Variants in TMPRSS7 observed in about 807,000 individuals in gnomAD.
TMPRSS7 encodes the protein transmembrane protease serine 7.
A neutral mutation model predicts 95.6 loss-of-function variants in TMPRSS7; 81 were observed. The ratio of observed to expected loss-of-function variants is 0.85; its 90% confidence interval spans 0.71 to 1.02. TMPRSS7 has a LOEUF of 1.02. Among genes scored for constraint, TMPRSS7 ranks in the 50% least tolerant of loss-of-function variants. The pLI, the probability that TMPRSS7 is intolerant of heterozygous loss-of-function variation, is 0.00. For synonymous variants in TMPRSS7, 364 were observed against 337.8 expected, an observed-to-expected ratio of 1.08 and a Z score of -0.85; for missense variants, 945 against 955.2, an observed-to-expected ratio of 0.99 and a Z score of 0.14.
At chr3:112,081,105 C>A in exon 18 of TMPRSS7, 2 of 1,583,602 alleles carry the variant, frequency 1.3e-6, no homozygotes, top group Non-Finnish European at 8.6e-7. Flanking sequence ...TGTATTTTTA[C>A]TGTGATTTAT....
At chr3:112,072,048 G>C (rs2073654797) in intron 13 of TMPRSS7, among the ~76,000 whole-genome samples, 2 of 152,186 alleles carry the variant, frequency 1.3e-5, no homozygotes, top group African/African-American at 4.8e-5. Context: ...AGAATTTTCA[G>C]CTTTTCTGCT....
In TMPRSS7 at chr3:112,052,042, C is replaced by A. The variant is rs145726056; in HGVS notation, c.1203+1259C>A. On this transcript the variant is annotated intron_variant, in intron 9 of 17. Transcript: ENST00000452346. ...AGCAGCCCTGCTCTCATGGAGCTTA[C>A]CTTCCAGTAGGGGAAGGCAAGTAAT... Among the ~76,000 whole-genome samples the A allele has an allele frequency of 5.3e-3, 804 of 152,146 alleles. 8 individuals carry two copies. The highest frequency in any genetic ancestry group is 0.019 in the African/African-American group (771 of 41,484).
intron 10 of TMPRSS7, among the ~76,000 whole-genome samples, chr3:112,057,855 A>T (rs1047686406): frequency 2.6e-5 from 4 of 151,956 alleles, no homozygotes; most frequent in African/African-American, 9.7e-5. Flanking sequence ...CCTCCCAAGT[A>T]TCTGGGACTA....
At chr3:112,072,047 A>T (rs1161156748) in intron 13 of TMPRSS7, among the ~76,000 whole-genome samples, 1 of 152,158 alleles carries the variant, frequency 6.6e-6, no homozygotes, top group East Asian at 1.9e-4. Flanking sequence ...TAGAATTTTC[A>T]GCTTTTCTGC....
rs954402105 is a variant in TMPRSS7 at position 112,062,731 on chromosome 3, A to G, written c.1448-794A>G. On this transcript the variant is annotated intron_variant, in intron 11 of 17. Transcript: ENST00000452346. ...TTATTTTTAATTGTTTTTTTAAACC[A>G]TAACTATTTTCCAGCTTCTCATCCA... 6.6e-5 allele frequency among the ~76,000 whole-genome samples: 10 copies of G among 152,196 alleles called. No individual in the cohort carries two copies. In the East Asian group the frequency reaches 1.9e-3, roughly 29 times the overall value.
downstream of TMPRSS7, chr3:112,081,168 C>T (rs2073774397): frequency 1.4e-6 from 2 of 1,380,996 alleles, no homozygotes; most frequent in African/African-American, 1.5e-5. Flanking sequence ...TGCGCTGGCT[C>T]ACACCTGTAA....
At chr3:112,042,483 T>C (rs768661862) in intron 3 of TMPRSS7, among the ~76,000 whole-genome samples, 2 of 152,210 alleles carry the variant, frequency 1.3e-5, no homozygotes, top group Non-Finnish European at 2.9e-5. Context: ...TTATAAAAAT[T>C]AGCAAAATTC....
intron 6 of TMPRSS7, chr3:112,047,395 A>G (rs1371904594): frequency 3.6e-6 from 2 of 563,176 alleles, no homozygotes; most frequent in Admixed American, 2.2e-5. Context: ...GTATTTCCTG[A>G]TTGCTCTTGC....
In TMPRSS7 at chr3:112,075,432, G is replaced by T. The variant is rs375061144; in HGVS notation, c.1895G>T (p.Gly632Val). ...CACTTTGTTGGATCTGCCTACTGTG[G>T]TGCCTCAGTCATCTCCAGGGAGTGG... is the stretch of plus-strand genomic sequence containing the variant. The change falls in exon 15 of 18, where the codon GGT becomes GTT. Residue 632 changes from glycine to valine, a missense_variant. By Grantham distance (109) the Gly-to-Val change is moderately radical. Coordinates refer to ENST00000452346, the Ensembl canonical transcript of TMPRSS7. 5 of 1,551,124 alleles carry T rather than the reference G, an allele frequency of 3.2e-6. No homozygotes were observed. Among genetic ancestry groups the T allele is most frequent in the Non-Finnish European group, 4.4e-6 (5 of 1,148,196 alleles).
At chr3:112,052,979 G>C (rs770728733) in intron 9 of TMPRSS7, among the ~76,000 whole-genome samples, 12 of 152,190 alleles carry the variant, frequency 7.9e-5, no homozygotes, top group Admixed American at 3.9e-4. Flanking sequence ...CAAGTGAGGA[G>C]TGGGAGAAAG....
chr3:112,052,501 C>T (rs1282457678), intron 9 of TMPRSS7, among the ~76,000 whole-genome samples: 1 of 151,944 alleles, frequency 6.6e-6, no homozygotes, highest in Non-Finnish European at 1.5e-5. Context: ...ACAAATATTT[C>T]CAAAGTAATT....
intron 17 of TMPRSS7, among the ~76,000 whole-genome samples, chr3:112,080,337 T>C (rs1309251724): frequency 2.0e-5 from 3 of 152,182 alleles, no homozygotes; most frequent in African/African-American, 7.2e-5. Flanking sequence ...GTTAGGGTTT[T>C]TTCACTGGAC....
Position 112,056,963 on chromosome 3 carries a change from G to A in TMPRSS7, c.1204-62G>A, listed in dbSNP as rs921803448. 5.0e-6 allele frequency: 6 copies of A among 1,196,192 alleles called. No homozygotes were observed. In the African/African-American group the frequency reaches 7.6e-5, roughly 15 times the overall value. 74.1% of individuals were successfully genotyped at this position (1,196,192 alleles called of 1,614,324 possible). The stretch of plus-strand genomic sequence containing the variant: ...ATGGCCTTAAAACAACAAGCCAAGG[G>A]AATAAGTAAATACATACTTTGATTG... On this transcript the variant is annotated intron_variant, in intron 9 of 17. Coordinates refer to ENST00000452346, the Ensembl canonical transcript of TMPRSS7.
Position 112,051,619 on chromosome 3 carries a change from CTCTA to C in TMPRSS7, c.1203+839_1203+842del, listed in dbSNP as rs2073353896. Among the ~76,000 whole-genome samples the C allele has an allele frequency of 3.0e-5, 4 of 131,622 alleles. No homozygotes were observed. The East Asian group carries it at 8.5e-4, about 28-fold the overall frequency. The allele number at this position is 131,622 out of a possible 152,430, so 86.3% of individuals were successfully genotyped here. ...TTATCTATCTCTATTATCTATCTATCTCTATCATCTATCTATCTATCTATCTATC... is the reference window on the plus strand; with the variant it reads ...TTATCTATCTCTATTATCTATCTATCTCATCTATCTATCTATCTATCTATC... On this transcript the variant is annotated intron_variant, in intron 9 of 17. Coordinates refer to ENST00000452346, the Ensembl canonical transcript of TMPRSS7.
chr3:112,060,406 G>A (rs2073486716), intron 10 of TMPRSS7, among the ~76,000 whole-genome samples: 1 of 152,128 alleles, frequency 6.6e-6, no homozygotes, highest in East Asian at 1.9e-4. Context: ...AGGGAGACTG[G>A]GGCTTATTTC....
chr3:112,070,457 G>A (rs1037544207), intron 13 of TMPRSS7, among the ~76,000 whole-genome samples: 9 of 152,168 alleles, frequency 5.9e-5, no homozygotes, highest in African/African-American at 1.9e-4. Flanking sequence ...TATTGTGTGG[G>A]AGTCTAAGTC....
chr3:112,040,177 G>A (rs1173314671), intron 2 of TMPRSS7, among the ~76,000 whole-genome samples: 2 of 152,154 alleles, frequency 1.3e-5, no homozygotes, highest in Non-Finnish European at 2.9e-5. Flanking sequence ...GTCTTGAACG[G>A]TTCAGGTCAC....
At chr3:112,068,259 G>C (rs756528946) in intron 13 of TMPRSS7, among the ~76,000 whole-genome samples, 1 of 152,184 alleles carries the variant, frequency 6.6e-6, no homozygotes, top group Admixed American at 6.5e-5. Context: ...CAGGTAGCGT[G>C]ATGCCCCCAA....
At chr3:112,057,040 C>G (rs1559957795) in exon 10 of TMPRSS7, 2 of 1,609,558 alleles carry the variant, frequency 1.2e-6, no homozygotes, top group South Asian at 1.1e-5. Context: ...TCTATCAACT[C>G]TTGGCATAGC....
Sources: allele counts gnomAD v4.1 joint callset (sites outside exome capture counted in the v4.1 genomes callset), GRCh38; gene constraint gnomAD v4.1.1; transcripts MANE v1.5; gene names NCBI Gene and HGNC (gene_info 2026-07-23, HGNC 2026-07-21).